UBXN6: variants seen among roughly 807,000 people sequenced by gnomAD.
The protein encoded by UBXN6 is UBX domain protein 6.
A neutral mutation model predicts 51.4 loss-of-function variants in UBXN6; 44 were observed. The observed-to-expected ratio is 0.86, with a 90% confidence interval of 0.67 to 1.10. The LOEUF (loss-of-function observed/expected upper bound fraction) is 1.10. Among genes scored for constraint, UBXN6 ranks in the 50% least tolerant of loss-of-function variants. The probability of loss-of-function intolerance (pLI) is 0.00; values close to 1 mark genes in which losing one functional copy is unlikely to be tolerated. For synonymous variants in UBXN6, 316 were observed against 263.2 expected, an observed-to-expected ratio of 1.20 and a Z score of -1.94; for missense variants, 672 against 596.1, an observed-to-expected ratio of 1.13 and a Z score of -1.32.
chr19:4,446,427 C>A lies in UBXN6; in HGVS notation c.921-14G>T. On this transcript the variant is annotated splice_polypyrimidine_tract_variant and intron_variant, in intron 8 of 10. Transcript: ENST00000301281. ...ACCGCCTCGGACCTGCACACGCGGGCCAGGTCACGAGGGCTGGCCGGGGTT... is the reference window on the plus strand; with the variant it reads ...ACCGCCTCGGACCTGCACACGCGGGACAGGTCACGAGGGCTGGCCGGGGTT... 1 of 1,577,642 alleles carries A rather than the reference C, an allele frequency of 6.3e-7. No individual in the cohort carries two copies. The highest frequency in any genetic ancestry group is 1.8e-5 in the Admixed American group (1 of 56,130).
Position 4,446,682 on chromosome 19 carries a change from G to C in UBXN6, c.738C>G (p.Thr246=). ...PEEFYVLSET[T]LAQPQSLERH... is the part of the protein sequence containing the mutation. ...TCTCCAGGCTCTGGGGCTGGGCCAA[G>C]GTGGTCTCGCTCAGCACGTAGAACT... Residue 246 remains threonine, a synonymous_variant, in exon 8 of 11, where the codon ACC becomes ACG. Transcript: ENST00000301281. 1 of 1,611,702 alleles carries C rather than the reference G, an allele frequency of 6.2e-7. No homozygotes were observed.
chr19:4,451,889 T>C (rs182314507), intron 4 of UBXN6, among the ~76,000 whole-genome samples: 4 of 152,010 alleles, frequency 2.6e-5, no homozygotes, highest in African/African-American at 9.6e-5. Flanking sequence ...GTGGCTCACG[T>C]CTGTAATCCT....
At chr19:4,453,428 T>A in intron 3 of UBXN6, 30 bp downstream of exon 3, 1 of 1,609,018 alleles carries the variant, frequency 6.2e-7, no homozygotes, top group Non-Finnish European at 8.5e-7. Flanking sequence ...CCCCTTGGCA[T>A]GGGACAGTGC....
At position 4,457,515 on chromosome 19, in the gene UBXN6, C is replaced by T; in HGVS notation, c.83+100G>A. On this transcript the variant is annotated intron_variant, in intron 1 of 10. Coordinates refer to ENST00000301281, the MANE Select transcript of UBXN6 (RefSeq NM_025241.3). ...TGACCCTCGCGTGCCGCTCCCAGCC[C>T]CTCATCCTCTCCGATCTCCCGAGCC... 1.4e-5 allele frequency: 16 copies of T among 1,133,992 alleles called. No individual in the cohort carries two copies. The South Asian group carries it at 2.2e-4, about 16-fold the overall frequency. 70.2% of individuals were successfully genotyped at this position (1,133,992 alleles called of 1,614,324 possible). A position where few individuals can be genotyped will look rare whatever the true frequency, so the allele number is the denominator to read the frequency against.
chr19:4,445,894 T>TGCC (rs1974500370), intron 10 of UBXN6, 155 bp downstream of exon 10: 1 of 1,284,932 alleles, frequency 7.8e-7, no homozygotes. Flanking sequence ...GAGGCCCTGC[T>TGCC]GCCAGTAAGT....
chr19:4,457,763 G>A lies in UBXN6; in HGVS notation c.-66C>T. On this transcript the variant is annotated 5_prime_UTR_variant, in exon 1 of 11. Transcript: ENST00000301281. ...GGGGCACGGGGCCCAGTCGGGGACGGGGCCGCCGGAGACCAGCCACCGGAA... is the reference window on the plus strand; with the variant it reads ...GGGGCACGGGGCCCAGTCGGGGACGAGGCCGCCGGAGACCAGCCACCGGAA... 1 of 930,444 alleles carries A rather than the reference G, an allele frequency of 1.1e-6. No homozygotes were observed. The highest frequency in any genetic ancestry group is 3.9e-4 in the Middle Eastern group (1 of 2,596). 57.6% of individuals were successfully genotyped at this position (930,444 alleles called of 1,614,324 possible). A position where few individuals can be genotyped will look rare whatever the true frequency, so the allele number is the denominator to read the frequency against.
chr19:4,446,011 G>A lies in UBXN6; in HGVS notation c.1200+38C>T, dbSNP rs1400076330. Reference sequence around the variant, plus strand: ...GCCGGTCCCAGGAGAACCTGCAGAGGCATCGGGTCAGCGGTGCTCCTGCGG... The same window carrying A: ...GCCGGTCCCAGGAGAACCTGCAGAGACATCGGGTCAGCGGTGCTCCTGCGG... On this transcript the variant is annotated intron_variant, in intron 10 of 10. Transcript: ENST00000301281. 3 of 1,571,544 alleles carry A rather than the reference G, an allele frequency of 1.9e-6. No individual in the cohort carries two copies. In the East Asian group the frequency reaches 6.8e-5, roughly 35 times the overall value.
intron 3 of UBXN6, among the ~76,000 whole-genome samples, chr19:4,452,809 G>A (rs1974677188): frequency 6.6e-6 from 1 of 152,228 alleles, no homozygotes; most frequent in African/African-American, 2.4e-5. Context: ...TCCCCAAGCT[G>A]TTGAGGAAGG....
At position 4,450,758 on chromosome 19, in the gene UBXN6, C is replaced by CAAAAAA. The variant is rs58900477; in HGVS notation, c.441+1600_441+1605dup. ...TGGGCGACAGAGCGAGACTCTGTCT[C>CAAAAAA]AAAAAAAAAAAAAAAAAAAAAAAAA... On this transcript the variant is annotated intron_variant, in intron 4 of 10. Transcript: ENST00000301281. 199 of 43,810 alleles carry CAAAAAA rather than the reference C, an allele frequency of 4.5e-3. 5 individuals are homozygous for CAAAAAA. The highest frequency in any genetic ancestry group is 6.4e-3 in the Admixed American group (15 of 2,362). The allele number at this position is 43,810 out of a possible 1,614,324, so 2.7% of individuals were successfully genotyped here.
At chr19:4,445,715 C>T (rs576317051) in intron 10 of UBXN6, 92 bp from the exon 11 acceptor site, 1,435 of 1,539,198 alleles carry the variant, frequency 9.3e-4, no homozygotes, top group Non-Finnish European at 1.2e-3. Context: ...GGGGATGCCC[C>T]GGCCTGGAAG....
Position 4,454,020 on chromosome 19 carries a change from G to A in UBXN6, c.157C>T (p.Gln53Ter), listed in dbSNP as rs1412209296. ...GCTAGGGCGGCAGCGGCTGCCATCT[G>A]TGCCTCATTGGTGGGTCCCTGGCGG... is the stretch of plus-strand genomic sequence containing the variant. ...PPRQGPTNEA[Q>*]MAAAAALARL... Residue 53 changes from glutamine (Q) to a stop codon, truncating the protein, a stop_gained, in exon 2 of 11, where the codon CAG becomes TAG. Coordinates refer to ENST00000301281, the MANE Select transcript of UBXN6 (RefSeq NM_025241.3). LOFTEE classifies it high-confidence loss of function. 1.2e-6 allele frequency: 2 copies of A among 1,604,750 alleles called. No homozygotes were observed. Among genetic ancestry groups the A allele is most frequent in the Non-Finnish European group, 1.7e-6 (2 of 1,177,468 alleles).
rs765543803 is a variant in UBXN6 at position 4,446,167 on chromosome 19, G to GC, written c.1081dup (p.Ala361GlyfsTer18). The GC allele has an allele frequency of 6.8e-6, 11 of 1,607,842 alleles. No individual in the cohort carries two copies. The Admixed American group carries it at 8.4e-5, about 12-fold the overall frequency. The stretch of plus-strand genomic sequence containing the variant: ...GGCCTCCCGGACGAACCCGTACACC[G>GC]CCCCCAGCCGCTCCCGAGCGTAGAA... On this transcript the variant is annotated frameshift_variant, in exon 10 of 11. Coordinates refer to ENST00000301281, the MANE Select transcript of UBXN6 (RefSeq NM_025241.3). LOFTEE classifies it high-confidence loss of function.
chr19:4,445,585 A>G lies in UBXN6; in HGVS notation c.1239T>C (p.Ala413=). 2 of 1,613,716 alleles carry G rather than the reference A, an allele frequency of 1.2e-6. No individual in the cohort carries two copies. The highest frequency in any genetic ancestry group is 1.7e-6 in the Non-Finnish European group (2 of 1,179,972). ...CCGCGGCCTTGATGTCCTCCAGCAC[A>G]GCCATGTCCCACGAGAAGGTCAGGA... ...SALLTFSWDM[A]VLEDIKAAGA... The change falls in exon 11 of 11, where the codon GCT becomes GCC. Residue 413 remains alanine, a synonymous_variant. Coordinates refer to ENST00000301281, the MANE Select transcript of UBXN6 (RefSeq NM_025241.3).
chr19:4,455,251 A>G (rs1974724658), intron 1 of UBXN6: 3 of 985,262 alleles, frequency 3.0e-6, no homozygotes, highest in Non-Finnish European at 2.4e-6. Flanking sequence ...CCGTAGGTCT[A>G]TTAAAACCTT....
chr19:4,447,523 GC>G, intron 6 of UBXN6, 26 bp downstream of exon 6: 1 of 1,612,218 alleles, frequency 6.2e-7, no homozygotes, highest in Non-Finnish European at 8.5e-7. Context: ...CCCAGCCTGG[GC>G]CCCGGGGGCC....
rs1974483617 is a variant in UBXN6, at chr19:4,445,356, C to T, written c.*142G>A. The T allele has an allele frequency of 3.5e-6, 5 of 1,412,220 alleles. No individual in the cohort carries two copies. In the Admixed American group the frequency reaches 6.1e-5, roughly 17 times the overall value. 87.5% of individuals were successfully genotyped at this position (1,412,220 alleles called of 1,614,324 possible). ...TCTGCCACGGGGCCCAATTCCACAG[C>T]TCCACGGCTGGCGCCCCTCCCGTGC... is the stretch of plus-strand genomic sequence containing the variant. On this transcript the variant is annotated 3_prime_UTR_variant, in exon 11 of 11. Coordinates refer to ENST00000301281, the MANE Select transcript of UBXN6 (RefSeq NM_025241.3).
chr19:4,453,971 C>A lies in UBXN6; in HGVS notation c.206G>T (p.Arg69Leu). 6.2e-7 allele frequency: 1 copy of A among 1,611,148 alleles called. No homozygotes were observed. Among genetic ancestry groups the A allele is most frequent in the East Asian group, 2.2e-5 (1 of 44,824 alleles). ...ALARLEQKQS[R>L]AWGPTSQDTI... ...GTCCTGCGATGTGGGGCCCCAGGCC[C>A]GGGACTGCTTCTGCTCCAGCCGGGC... Residue 69 changes from arginine to leucine, a missense_variant, in exon 2 of 11, where the codon CGG becomes CTG. Coordinates refer to ENST00000301281, the MANE Select transcript of UBXN6 (RefSeq NM_025241.3).
intron 6 of UBXN6, 87 bp from the exon 7 acceptor site, chr19:4,447,007 G>A (rs992199886): frequency 2.3e-5 from 30 of 1,315,824 alleles, no homozygotes; most frequent in Non-Finnish European, 2.5e-5. Flanking sequence ...CCCGGCTCTC[G>A]CTATTGGGAG....
chr19:4,445,630 T>C lies in UBXN6; in HGVS notation c.1201-7A>G. 1 of 1,612,012 alleles carries C rather than the reference T, an allele frequency of 6.2e-7. No individual in the cohort carries two copies. ...TCAGGAGGGCAGAGGGCACCTGCGG[T>C]AGGGGTAGGCCGTCACTCTGAGACC... is the stretch of plus-strand genomic sequence containing the variant. On this transcript the variant is annotated splice_region_variant and splice_polypyrimidine_tract_variant and intron_variant, in intron 10 of 10. Transcript: ENST00000301281.
Sources: allele counts gnomAD v4.1 joint callset (sites outside exome capture counted in the v4.1 genomes callset), GRCh38; gene constraint gnomAD v4.1.1; transcripts MANE v1.5; gene names NCBI Gene and HGNC (gene_info 2026-07-23, HGNC 2026-07-21).